The following FNDC3B variants were observed in gnomAD, a reference collection of about 807,000 sequenced individuals.
The protein encoded by FNDC3B is fibronectin type III domain-containing protein 3B.
FNDC3B carries 12 observed loss-of-function variants against 151.5 expected under a neutral mutation model. The observed-to-expected ratio is 0.08, with a 90% CI of 0.05 to 0.13. The LOEUF (loss-of-function observed/expected upper bound fraction) is 0.13. FNDC3B is among the 10% of genes least tolerant of loss of function. The pLI, the probability that FNDC3B is intolerant of heterozygous loss-of-function variation, is 1.00. For missense variants in FNDC3B, 1,214 were observed against 1,505.3 expected, an observed-to-expected ratio of 0.81 and a Z score of 3.20; for synonymous variants, 528 against 549.0, an observed-to-expected ratio of 0.96 and a Z score of 0.54.
At chr3:172,299,371 AG>A (rs1001388746) in intron 9 of FNDC3B, among the ~76,000 whole-genome samples, 1 of 152,210 alleles carries the variant, frequency 6.6e-6, no homozygotes, top group African/African-American at 2.4e-5. Flanking sequence ...TCTGGAAGGT[AG>A]GGCTAGCTTA....
chr3:172,049,382 G>A (rs9810918), intron 1 of FNDC3B, among the ~76,000 whole-genome samples: 3,953 of 152,230 alleles, frequency 0.026, 168 homozygotes, highest in African/African-American at 0.089. Context: ...TTTTAATATT[G>A]AGATGAATCA....
At chr3:172,343,920 CTT>C (rs1733470275) in intron 18 of FNDC3B, among the ~76,000 whole-genome samples, 164 bp from the exon 19 acceptor site, 1 of 152,060 alleles carries the variant, frequency 6.6e-6, no homozygotes, top group East Asian at 1.9e-4. Context: ...CATTCAGAAA[CTT>C]TTATTTTTAT....
intron 4 of FNDC3B, among the ~76,000 whole-genome samples, chr3:172,230,222 G>A (rs556727143): frequency 2.4e-4 from 37 of 152,196 alleles, no homozygotes; most frequent in Non-Finnish European, 5.0e-4. Context: ...GCCTGGGACC[G>A]TGGCTCACGC....
intron 3 of FNDC3B, among the ~76,000 whole-genome samples, chr3:172,173,686 T>G (rs75835198): frequency 0.11 from 16,056 of 151,280 alleles, 936 homozygotes; most frequent in Non-Finnish European, 0.13. Context: ...CCAGGCATAG[T>G]GGTGCATACC....
intron 3 of FNDC3B, among the ~76,000 whole-genome samples, chr3:172,163,991 A>G (rs987757579): frequency 6.6e-6 from 1 of 152,152 alleles, no homozygotes; most frequent in Non-Finnish European, 1.5e-5. Context: ...ATCTCGCTTG[A>G]GTTTTATTAT....
At chr3:172,348,398 C>T (rs1733705332) in intron 21 of FNDC3B, among the ~76,000 whole-genome samples, 1 of 152,164 alleles carries the variant, frequency 6.6e-6, no homozygotes, top group Non-Finnish European at 1.5e-5. Flanking sequence ...TGTTATACAC[C>T]TTTCTTGCTT....
At chr3:172,186,306 T>C (rs563028458) in intron 3 of FNDC3B, among the ~76,000 whole-genome samples, 2 of 152,334 alleles carry the variant, frequency 1.3e-5, no homozygotes, top group East Asian at 3.9e-4. Context: ...GCTTTTCTCC[T>C]CACCCTCATA....
chr3:172,327,215 C>T (rs559325617), intron 11 of FNDC3B, among the ~76,000 whole-genome samples: 21 of 152,310 alleles, frequency 1.4e-4, no homozygotes, highest in Admixed American at 1.4e-3. Context: ...TTACTTGCTG[C>T]ACACCCCCAA....
At chr3:172,292,665 C>G (rs964953236) in intron 7 of FNDC3B, among the ~76,000 whole-genome samples, 1 of 152,290 alleles carries the variant, frequency 6.6e-6, no homozygotes. Context: ...TGCAAAGCAG[C>G]CACTTATCAC....
chr3:172,262,881 A>AG, intron 6 of FNDC3B, among the ~76,000 whole-genome samples: 1 of 117,110 alleles, frequency 8.5e-6, no homozygotes, highest in South Asian at 3.2e-4. Flanking sequence ...TAGATGACAG[A>AG]GTGAGACCGA....
intron 4 of FNDC3B, among the ~76,000 whole-genome samples, chr3:172,229,136 C>CACAA (rs1272151522): frequency 2.2e-3 from 177 of 81,678 alleles, no homozygotes; most frequent in Middle Eastern, 6.3e-3. Flanking sequence ...CACACACACA[C>CACAA]AATCTCCTGC....
Position 172,247,549 on chromosome 3 carries a change from C to T in FNDC3B, c.281C>T (p.Thr94Ile), listed in dbSNP as rs1727841184. ...GYISQVIEDSTGVRRVVVTPQ... is the reference protein window; with the variant it reads ...GYISQVIEDSIGVRRVVVTPQ... ...TTTCTTTAGGTGATTGAAGATAGTA[C>T]TGGAGTCCGCCGGGTGGTGGTCACA... The change falls in exon 5 of 26, where the codon ACT (threonine) becomes ATT (isoleucine). Residue 94 changes from threonine (T) to isoleucine (I), a missense_variant. Physicochemically the swap from Thr to Ile is moderately conservative, Grantham distance 89. Coordinates refer to ENST00000415807, the MANE Select transcript of FNDC3B (RefSeq NM_022763.4). 1.2e-6 allele frequency: 2 copies of T among 1,613,926 alleles called. No individual in the cohort carries two copies. The highest frequency in any genetic ancestry group is 3.3e-5 in the Admixed American group (2 of 59,994).
At chr3:172,162,621 G>A (rs555160558) in intron 3 of FNDC3B, among the ~76,000 whole-genome samples, 3 of 149,620 alleles carry the variant, frequency 2.0e-5, no homozygotes, top group African/African-American at 7.4e-5. Context: ...GAGGGTTCCC[G>A]ATTTCTTCAC....
chr3:172,170,153 T>C (rs1211817260), intron 3 of FNDC3B, among the ~76,000 whole-genome samples: 1 of 152,242 alleles, frequency 6.6e-6, no homozygotes, highest in Non-Finnish European at 1.5e-5. Context: ...ATTGAAAATA[T>C]AAATGTAAGC....
At chr3:172,197,711 A>G (rs149149015) in intron 3 of FNDC3B, among the ~76,000 whole-genome samples, 2 of 152,292 alleles carry the variant, frequency 1.3e-5, no homozygotes, top group Non-Finnish European at 2.9e-5. Context: ...AGAATGTCCT[A>G]TTTCAATTAG....
chr3:172,089,924 T>C (rs1875093), intron 1 of FNDC3B, among the ~76,000 whole-genome samples: 83,252 of 152,072 alleles, frequency 0.55, 23,063 homozygotes, highest in Admixed American at 0.62. Flanking sequence ...ATGACAAATA[T>C]GATTTCGACA....
chr3:172,119,169 TAAAA>T (rs555243695), intron 2 of FNDC3B, among the ~76,000 whole-genome samples: 22 of 102,160 alleles, frequency 2.2e-4, no homozygotes, highest in South Asian at 9.3e-4. Context: ...GACTCTGCCT[TAAAA>T]AAAAAAAAAA....
In FNDC3B at chr3:172,328,953, GA is replaced by G; in HGVS notation, c.1261del (p.Arg421GlufsTer18). ...ITNYLLEWDE[G>X]KRNSGFRQCF... ...CATTGTTTCATTGTTTACTTTTAGGGAAAAAGAAATAGTGGTTTCAGACAGT... is the reference window on the plus strand; with the variant it reads ...CATTGTTTCATTGTTTACTTTTAGGGAAAAGAAATAGTGGTTTCAGACAGT... On this transcript the variant is annotated frameshift_variant and splice_region_variant, in exon 12 of 26. Coordinates refer to ENST00000415807, the MANE Select transcript of FNDC3B (RefSeq NM_022763.4). LOFTEE classifies it high-confidence loss of function. 6.2e-7 allele frequency: 1 copy of G among 1,602,390 alleles called. No individual in the cohort carries two copies. Among genetic ancestry groups the G allele is most frequent in the Non-Finnish European group, 8.5e-7 (1 of 1,173,614 alleles).
chr3:172,247,718 T>A lies in FNDC3B; in HGVS notation c.450T>A (p.Asp150Glu). Reference sequence around the variant, plus strand: ...ACCCACCTGTTACCGGACCTGGAGATATGCCGCCTCAGTTTTTTCCCCAGC... The same window carrying A: ...ACCCACCTGTTACCGGACCTGGAGAAATGCCGCCTCAGTTTTTTCCCCAGC... ...AYYPPVTGPG[D>E]MPPQFFPQHH... Residue 150 changes from aspartate to glutamate, a missense_variant, in exon 5 of 26, where the codon GAT (aspartate) becomes GAA (glutamate). By Grantham distance (45) the Asp-to-Glu change is conservative (BLOSUM62 2). This residue lies in a region of FNDC3B where 166 missense variants were observed against 173.2 expected (regional missense o/e 0.96). Coordinates refer to ENST00000415807, the MANE Select transcript of FNDC3B (RefSeq NM_022763.4). 6.2e-7 allele frequency: 1 copy of A among 1,614,120 alleles called. No homozygotes were observed. The highest frequency in any genetic ancestry group is 8.5e-7 in the Non-Finnish European group (1 of 1,179,998).
Sources: allele counts gnomAD v4.1 joint callset (sites outside exome capture counted in the v4.1 genomes callset), GRCh38; gene constraint gnomAD v4.1.1; regional missense constraint gnomAD v4.1.1; transcripts MANE v1.5; gene names NCBI Gene and HGNC (gene_info 2026-07-23, HGNC 2026-07-21).